The following RAI2 variants were observed in gnomAD, a reference collection of about 807,000 sequenced individuals.
RAI2 encodes the protein retinoic acid-induced protein 2.
In RAI2, 5 loss-of-function variants were observed where a neutral mutation model predicts 15.3. The observed-to-expected ratio is 0.33, with a 90% CI of 0.17 to 0.69. The LOEUF is 0.69. RAI2 is among the 30% of genes least tolerant of loss of function. The pLI is 0.69. For synonymous variants in RAI2, 191 were observed against 184.0 expected (o/e 1.04, Z -0.31); for missense variants, 424 against 424.7 (o/e 1.00, Z 0.01).
At chrX:17,821,589 C>T (rs755177218) in intron 1 of RAI2, among the ~76,000 whole-genome samples, 10 of 109,654 alleles carry the variant, frequency 9.1e-5, no homozygotes, top group African/African-American at 3.0e-4. Context: ...AGAGAGACCG[C>T]GAGAGAGAGA....
intron 1 of RAI2, among the ~76,000 whole-genome samples, chrX:17,808,997 T>C (rs1237501130): frequency 1.8e-5 from 2 of 112,574 alleles, no homozygotes; most frequent in Non-Finnish European, 3.8e-5. Flanking sequence ...TAGGGTATAA[T>C]AATTGTCAAT....
chrX:17,834,265 C>T (rs2067311101), intron 1 of RAI2, among the ~76,000 whole-genome samples: 1 of 110,762 alleles, frequency 9.0e-6, no homozygotes, highest in Admixed American at 9.6e-5. Context: ...TTTATTCTTC[C>T]TCCTCCTCTA....
In RAI2 at chrX:17,801,069, G is replaced by A. The variant is rs756566295; in HGVS notation, c.942C>T (p.Asn314=). Residue 314 remains asparagine, a synonymous_variant, in exon 2 of 2, where the codon AAC becomes AAT. Coordinates refer to ENST00000451717, the MANE Select transcript of RAI2 (RefSeq NM_021785.6). The part of the protein sequence containing the change: ...RHTVIKMGSE[N]EALDLSMKSV... ...ACTTCATGGAGAGATCCAGGGCCTC[G>A]TTCTCACTTCCCATCTTAATGACCG... 43 of 1,209,670 alleles carry A rather than the reference G, an allele frequency of 3.6e-5. No homozygotes were observed. In the Admixed American group the frequency reaches 3.7e-4, roughly 10 times the overall value.
At chrX:17,842,792 T>C (rs911386758) in intron 1 of RAI2, among the ~76,000 whole-genome samples, 1 of 111,715 alleles carries the variant, frequency 9.0e-6, no homozygotes, top group East Asian at 2.8e-4. Context: ...AAAGTAAGTA[T>C]GTCTACTTTT....
chrX:17,804,404 C>G (rs16980681), intron 1 of RAI2, among the ~76,000 whole-genome samples: 6,511 of 112,040 alleles, frequency 0.058, 457 homozygotes, highest in African/African-American at 0.2. Flanking sequence ...AGCATGCAAA[C>G]GCATCAACGT....
intron 1 of RAI2, among the ~76,000 whole-genome samples, chrX:17,860,092 C>G (rs2067668305): frequency 9.0e-6 from 1 of 111,406 alleles, no homozygotes; most frequent in Non-Finnish European, 1.9e-5. Context: ...CCTCCAAAGC[C>G]ACCTTCTTCT....
Position 17,801,737 on chromosome X carries a change from T to C in RAI2, c.274A>G (p.Ile92Val). 1 of 1,211,712 alleles carries C rather than the reference T, an allele frequency of 8.3e-7. No individual in the cohort carries two copies. The highest frequency in any genetic ancestry group is 1.1e-6 in the Non-Finnish European group (1 of 895,504). ...GAGCTTCCCTCCACCTGCATGTGAA[T>C]GGGCATCACCACTGGGCTCTCCCCG... ...CLGESPVVMP[I>V]HMQVEGSSAP... Residue 92 changes from isoleucine (I) to valine (V), a missense_variant, in exon 2 of 2, where the codon ATT (isoleucine) becomes GTT (valine). Coordinates refer to ENST00000451717, the MANE Select transcript of RAI2 (RefSeq NM_021785.6).
intron 1 of RAI2, among the ~76,000 whole-genome samples, chrX:17,805,069 T>C (rs1393455053): frequency 8.9e-6 from 1 of 112,830 alleles, no homozygotes; most frequent in East Asian, 2.8e-4. Context: ...ATGCCCATTT[T>C]GTTGGTGGAA....
intron 1 of RAI2, among the ~76,000 whole-genome samples, chrX:17,827,945 G>A (rs2067244553): frequency 9.1e-6 from 1 of 110,440 alleles, no homozygotes; most frequent in African/African-American, 3.3e-5. Context: ...ATAGTTCTAG[G>A]CCAGCAATTC....
At chrX:17,809,787 G>A (rs189522267) in intron 1 of RAI2, among the ~76,000 whole-genome samples, 56 of 110,503 alleles carry the variant, frequency 5.1e-4, no homozygotes, top group African/African-American at 1.8e-3. Flanking sequence ...TGTGTTTTTG[G>A]GGGGAGAGTC....
chrX:17,827,394 C>T (rs1038510849), intron 1 of RAI2, among the ~76,000 whole-genome samples: 2 of 112,311 alleles, frequency 1.8e-5, no homozygotes, highest in African/African-American at 6.5e-5. Flanking sequence ...TTTAACAGAA[C>T]TTCTTCACAA....
At chrX:17,839,248 G>A (rs1447920363) in intron 1 of RAI2, among the ~76,000 whole-genome samples, 1 of 112,152 alleles carries the variant, frequency 8.9e-6, no homozygotes, top group Non-Finnish European at 1.9e-5. Context: ...CGACATCTAT[G>A]CACCATCCTC....
At chrX:17,848,797 G>C (rs2067493814) in intron 1 of RAI2, among the ~76,000 whole-genome samples, 1 of 112,429 alleles carries the variant, frequency 8.9e-6, no homozygotes, top group African/African-American at 3.2e-5. Context: ...TAATTACAGA[G>C]AACAGCAAAT....
intron 1 of RAI2, among the ~76,000 whole-genome samples, chrX:17,858,451 G>A (rs2067646274): frequency 8.9e-6 from 1 of 112,299 alleles, no homozygotes; most frequent in African/African-American, 3.2e-5. Flanking sequence ...AGAAGCCAGA[G>A]AACAGACGTT....
chrX:17,810,296 C>T (rs1486663613), intron 1 of RAI2, among the ~76,000 whole-genome samples: 1 of 112,198 alleles, frequency 8.9e-6, no homozygotes, highest in Admixed American at 9.4e-5. Flanking sequence ...AAGATTAGAA[C>T]ATCTCTATTG....
At chrX:17,812,041 T>G (rs756397401) in intron 1 of RAI2, among the ~76,000 whole-genome samples, 1 of 112,101 alleles carries the variant, frequency 8.9e-6, no homozygotes, top group Non-Finnish European at 1.9e-5. Context: ...TGGCAATTAT[T>G]GTATTGTCAT....
Position 17,805,489 on chromosome X carries a change from G to T in RAI2, c.-24-3455C>A, listed in dbSNP as rs184247354. ...TCAGCCTACTTCTGGTTACTCACCTGTCCCCAGCCTGCCTTCCAGAGACAG... is the reference window on the plus strand; with the variant it reads ...TCAGCCTACTTCTGGTTACTCACCTTTCCCCAGCCTGCCTTCCAGAGACAG... On this transcript the variant is annotated intron_variant, in intron 1 of 1. Coordinates refer to ENST00000451717, the MANE Select transcript of RAI2 (RefSeq NM_021785.6). 3.3e-3 allele frequency among the ~76,000 whole-genome samples: 371 copies of T among 112,464 alleles called. 1 individual carries two copies. The highest frequency in any genetic ancestry group is 0.011 in the African/African-American group (341 of 30,945).
At chrX:17,859,872 C>A (rs921732339) in intron 1 of RAI2, among the ~76,000 whole-genome samples, 4 of 112,459 alleles carry the variant, frequency 3.6e-5, no homozygotes, top group African/African-American at 1.3e-4. Flanking sequence ...CAGCCACATA[C>A]CCGATATGGT....
rs188345116 is a variant in RAI2 at position 17,814,220 on chromosome X, C to G, written c.-24-12186G>C. Among the ~76,000 whole-genome samples the G allele has an allele frequency of 7.5e-5, 8 of 107,271 alleles. No homozygotes were observed. The East Asian group carries it at 2.3e-3, about 31-fold the overall frequency. The allele number at this position is 107,271 out of a possible 115,157, so 93.2% of individuals were successfully genotyped here. Reference sequence around the variant, plus strand: ...CCTCAGAGTCATCTCAACCGAGAGGCTAGGAAGTTGGGCTGTTTATTCACC... The same window carrying G: ...CCTCAGAGTCATCTCAACCGAGAGGGTAGGAAGTTGGGCTGTTTATTCACC... On this transcript the variant is annotated intron_variant, in intron 1 of 1. Transcript: ENST00000451717.
Sources: allele counts gnomAD v4.1 joint callset (sites outside exome capture counted in the v4.1 genomes callset), GRCh38; gene constraint gnomAD v4.1.1; transcripts MANE v1.5; gene names NCBI Gene and HGNC (gene_info 2026-07-23, HGNC 2026-07-21).